Variants in PRDM15 observed in about 807,000 individuals in gnomAD.
PRDM15 encodes the protein PR/SET domain 15.
Under a neutral mutation model 128.6 loss-of-function variants are expected in PRDM15, and 64 were observed. The ratio of observed to expected loss-of-function variants is 0.50; its 90% CI spans 0.41 to 0.61. The LOEUF (loss-of-function observed/expected upper bound fraction) is 0.61. Among genes scored for constraint, PRDM15 ranks in the 20% least tolerant of loss-of-function variants. PRDM15 has a pLI of 0.00. For synonymous variants in PRDM15, 615 were observed against 621.8 expected (o/e 0.99, Z 0.16); for missense variants, 1,242 against 1,569.1 (o/e 0.79, Z 3.52).
chr21:41,845,569 G>A (rs911659011), intron 6 of PRDM15, among the ~76,000 whole-genome samples: 6 of 151,808 alleles, frequency 4.0e-5, no homozygotes, highest in African/African-American at 1.2e-4. Context: ...CAAGGCTGCC[G>A]TGCTGTGGGC....
At chr21:41,823,880 T>C (rs1315387491) in intron 13 of PRDM15, among the ~76,000 whole-genome samples, 1 of 152,256 alleles carries the variant, frequency 6.6e-6, no homozygotes, top group Admixed American at 6.5e-5. Flanking sequence ...CCAATGTCTC[T>C]GATTTCCTGC....
chr21:41,839,512 T>G, intron 7 of PRDM15, 111 bp downstream of exon 7: 2 of 847,752 alleles, frequency 2.4e-6, no homozygotes, highest in Non-Finnish European at 3.9e-6. Context: ...CCACGAGGCC[T>G]TTCTACACTG....
intron 5 of PRDM15, 56 bp from the exon 6 acceptor site, chr21:41,847,247 A>G: frequency 1.6e-6 from 2 of 1,261,774 alleles, no homozygotes; most frequent in Non-Finnish European, 2.2e-6. Context: ...ATATGTCTCC[A>G]TGAATCCCGG....
intron 21 of PRDM15, among the ~76,000 whole-genome samples, chr21:41,807,397 A>G (rs28669016): frequency 0.3 from 45,638 of 151,962 alleles, 7,411 homozygotes; most frequent in Admixed American, 0.4. Context: ...TGTGACTCCA[A>G]CGAACACCTT....
intron 1 of PRDM15, among the ~76,000 whole-genome samples, chr21:41,863,600 GAAATGGGGGGTGACTTCAGGC>G (rs991027304): frequency 2.6e-5 from 4 of 151,960 alleles, no homozygotes; most frequent in South Asian, 2.1e-4. Flanking sequence ...TGGTAAACGG[GAAATGGGGGGTGACTTCAGGC>G]AAATGGGGGG....
chr21:41,865,982 C>T (rs1009746895), intron 1 of PRDM15, among the ~76,000 whole-genome samples: 1 of 152,148 alleles, frequency 6.6e-6, no homozygotes, highest in African/African-American at 2.4e-5. Context: ...TGGCCTCAAG[C>T]AATCCTCCTG....
At chr21:41,820,231 A>G (rs899486838) in intron 16 of PRDM15, 57 bp from the exon 17 acceptor site, 43 of 1,412,136 alleles carry the variant, frequency 3.0e-5, no homozygotes, top group Non-Finnish European at 4.1e-5. Context: ...CACGGCAGCG[A>G]GGGCACTTTC....
intron 2 of PRDM15, among the ~76,000 whole-genome samples, chr21:41,860,093 G>A (rs576249244): frequency 6.6e-6 from 1 of 152,274 alleles, no homozygotes; most frequent in East Asian, 1.9e-4. Context: ...GCTACCCCCT[G>A]CAAAGTGCCC....
intron 6 of PRDM15, among the ~76,000 whole-genome samples, chr21:41,842,465 C>T (rs2146649693): frequency 6.6e-6 from 1 of 152,304 alleles, no homozygotes; most frequent in South Asian, 2.1e-4. Context: ...GTATTCACAA[C>T]TGCACCAATA....
chr21:41,854,662 T>C lies in PRDM15; in HGVS notation c.442A>G (p.Ile148Val). The C allele has an allele frequency of 1.2e-6, 2 of 1,613,790 alleles. No individual in the cohort carries two copies. The highest frequency in any genetic ancestry group is 1.7e-6 in the Non-Finnish European group (2 of 1,179,986). The part of the protein sequence containing the change: ...SDVYFTTSRD[I>V]PPGTELRVWY... ...ACGCGCAGCTCGGTACCCGGGGGGA[T>C]GTCTCTGGAGGTGGTGAAGTACACG... The change falls in exon 5 of 24, where the codon ATC (isoleucine) becomes GTC (valine). Residue 148 changes from isoleucine (I) to valine (V), a missense_variant. Coordinates refer to ENST00000398548, the MANE Select transcript of PRDM15 (RefSeq NM_001040424.3). This position sits in a 1 kb window ranked among gnomAD's most constrained non-coding sequence, Gnocchi z 4.6.
chr21:41,878,928 C>CG, intron 1 of PRDM15: 1 of 950,350 alleles, frequency 1.1e-6, no homozygotes, highest in South Asian at 4.8e-5. Context: ...TGGCCGCGGG[C>CG]GGGCGGGGGG....
At chr21:41,867,331 G>A (rs1410666376) in intron 1 of PRDM15, 13 of 1,613,660 alleles carry the variant, frequency 8.1e-6, no homozygotes, top group Admixed American at 1.7e-5. Flanking sequence ...CCAGGGCTGG[G>A]GGCAGATTTT....
intron 13 of PRDM15, among the ~76,000 whole-genome samples, chr21:41,825,470 G>A (rs529739065): frequency 9.2e-5 from 14 of 152,346 alleles, no homozygotes; most frequent in Non-Finnish European, 1.8e-4. Context: ...CTTGGGCAGC[G>A]CCGGGCATCC....
rs1406315059 is a variant in PRDM15, at chr21:41,843,402, G to A, written c.641-3549C>T. Reference sequence around the variant, plus strand: ...CGTCTCTTGTCCTACAATCTCCTTCGACAGCAACCTGGGCATTCCCTTTGC... The same window carrying A: ...CGTCTCTTGTCCTACAATCTCCTTCAACAGCAACCTGGGCATTCCCTTTGC... On this transcript the variant is annotated intron_variant, in intron 6 of 23. Coordinates refer to ENST00000398548, the MANE Select transcript of PRDM15 (RefSeq NM_001040424.3). 2.6e-5 allele frequency among the ~76,000 whole-genome samples: 4 copies of A among 152,054 alleles called. No individual in the cohort carries two copies. The East Asian group carries it at 5.8e-4, about 22-fold the overall frequency.
chr21:41,815,576 G>C, intron 19 of PRDM15, 129 bp downstream of exon 19: 1 of 1,310,550 alleles, frequency 7.6e-7, no homozygotes, highest in Non-Finnish European at 1.0e-6. Context: ...AGCTCTCTTG[G>C]GGAACCCGGC....
chr21:41,807,822 C>T (rs558081175), intron 21 of PRDM15, among the ~76,000 whole-genome samples: 72 of 152,288 alleles, frequency 4.7e-4, no homozygotes, highest in African/African-American at 1.7e-3. Flanking sequence ...GACAAAATCC[C>T]CCCGCACCAC....
intron 1 of PRDM15, among the ~76,000 whole-genome samples, chr21:41,865,674 T>C (rs1056077266): frequency 2.0e-5 from 3 of 152,208 alleles, no homozygotes; most frequent in Non-Finnish European, 4.4e-5. Flanking sequence ...CCCAAAAAGC[T>C]GACTCTTCCT....
intron 19 of PRDM15, 91 bp downstream of exon 19, chr21:41,815,614 G>T: frequency 6.6e-7 from 1 of 1,515,548 alleles, no homozygotes; most frequent in South Asian, 1.2e-5. Context: ...AAGAGGAATC[G>T]TCTCAAGGCG....
chr21:41,876,898 C>A (rs989781541), intron 1 of PRDM15, among the ~76,000 whole-genome samples: 2 of 152,194 alleles, frequency 1.3e-5, no homozygotes, highest in African/African-American at 4.8e-5. Flanking sequence ...GTGATGCCAG[C>A]TCCATTCCCC....
Sources: allele counts gnomAD v4.1 joint callset (sites outside exome capture counted in the v4.1 genomes callset), GRCh38; gene constraint gnomAD v4.1.1; non-coding constraint Gnocchi (gnomAD v3.1); transcripts MANE v1.5; gene names NCBI Gene and HGNC (gene_info 2026-07-23, HGNC 2026-07-21).